Variants in SEC61G observed in about 807,000 individuals in gnomAD.
SEC61G encodes the protein protein transport protein Sec61 subunit gamma.
In SEC61G, 4 loss-of-function variants were observed where a neutral mutation model predicts 7.5. That is an observed-to-expected ratio of 0.54 (90% confidence interval 0.26 to 1.22). The LOEUF (loss-of-function observed/expected upper bound fraction) is 1.22. Ranked by LOEUF, SEC61G falls within the 50% of genes most tolerant of loss-of-function variation. SEC61G has a pLI of 0.12. For synonymous variants in SEC61G, 24 were observed against 24.4 expected, an observed-to-expected ratio of 0.98 and a Z score of 0.05; for missense variants, 53 against 84.6, an observed-to-expected ratio of 0.63 and a Z score of 1.46.
chr7:54,759,071 G>A (rs1791582007), intron 1 of SEC61G, 87 bp downstream of exon 1: 1 of 429,784 alleles, frequency 2.3e-6, no homozygotes, highest in South Asian at 1.6e-5. Context: ...GGGGAGACAC[G>A]CCGGCTCGCC....
intron 3 of SEC61G, among the ~76,000 whole-genome samples, chr7:54,754,064 C>T (rs1236352904): frequency 6.6e-6 from 1 of 152,130 alleles, no homozygotes; most frequent in Non-Finnish European, 1.5e-5. Context: ...GCCTGCCTCA[C>T]AACTCATAAT....
Position 54,755,854 on chromosome 7 carries a change from G to A in SEC61G, c.122C>T (p.Ala41Val). The change falls in exon 3 of 4, where the codon GCA becomes GTA. Residue 41 changes from alanine (A) to valine (V), a missense_variant. By Grantham distance (64) the Ala-to-Val change is moderately conservative (BLOSUM62 0). Coordinates refer to ENST00000352861, the MANE Select transcript of SEC61G (RefSeq NM_014302.4). ...KEFQKIAMATAIGFAIMGFIG... is the reference protein window; with the variant it reads ...KEFQKIAMATVIGFAIMGFIG... The stretch of plus-strand genomic sequence containing the variant: ...GAATCCCATTATAGCAAATCCTATT[G>A]CTGTTGCCATGGCAATCTTCTGGAA... 6.3e-7 allele frequency: 1 copy of A among 1,587,838 alleles called. No homozygotes were observed. The highest frequency in any genetic ancestry group is 8.6e-7 in the Non-Finnish European group (1 of 1,165,372).
intron 2 of SEC61G, 27 bp from the exon 3 acceptor site, chr7:54,755,908 T>C (rs1791504368): frequency 2.8e-6 from 4 of 1,445,060 alleles, no homozygotes; most frequent in Non-Finnish European, 3.8e-6. Context: ...GAAATTCACA[T>C]ATTTTTTGCA....
intron 3 of SEC61G, among the ~76,000 whole-genome samples, chr7:54,752,855 C>T (rs1791441418): frequency 6.6e-6 from 1 of 152,190 alleles, no homozygotes; most frequent in Non-Finnish European, 1.5e-5. Context: ...ATTCCAAAAT[C>T]TGGGTTAGTC....
At chr7:54,753,838 C>T (rs965518833) in intron 3 of SEC61G, among the ~76,000 whole-genome samples, 1 of 152,156 alleles carries the variant, frequency 6.6e-6, no homozygotes, top group African/African-American at 2.4e-5. Context: ...CCTCCCCATG[C>T]CTGTTTCCTC....
At chr7:54,755,250 G>T (rs1791484072) in intron 3 of SEC61G, 1 of 152,146 alleles carries the variant, frequency 6.6e-6, no homozygotes, top group Admixed American at 6.5e-5. Context: ...TACCCAAATT[G>T]TTTCTGGGGC....
At chr7:54,756,509 A>T (rs1391096938) in intron 2 of SEC61G, among the ~76,000 whole-genome samples, 1 of 152,186 alleles carries the variant, frequency 6.6e-6, no homozygotes, top group Non-Finnish European at 1.5e-5. Flanking sequence ...TACAAAAATT[A>T]GCCGGGCGTG....
intron 1 of SEC61G, 151 bp downstream of exon 1, chr7:54,759,007 G>C (rs1346810068): frequency 6.1e-6 from 2 of 330,284 alleles, no homozygotes; most frequent in Admixed American, 7.9e-5. Flanking sequence ...TCGGCGGCCA[G>C]ACCCCGGCCC....
In SEC61G at chr7:54,752,358, C is replaced by A; in HGVS notation, c.*53G>T. 1 of 1,376,904 alleles carries A rather than the reference C, an allele frequency of 7.3e-7. No homozygotes were observed. The highest frequency in any genetic ancestry group is 2.4e-5 in the East Asian group (1 of 41,780). 85.3% of individuals were successfully genotyped at this position (1,376,904 alleles called of 1,614,324 possible). A position where few individuals can be genotyped will look rare whatever the true frequency, so the allele number is the denominator to read the frequency against. On this transcript the variant is annotated 3_prime_UTR_variant, in exon 4 of 4. Coordinates refer to ENST00000352861, the MANE Select transcript of SEC61G (RefSeq NM_014302.4). ...TTTGTATTCTGTGAGTTTCTCACACCCTCACACTTGTTCACCAATCTCTAA... is the reference window on the plus strand; with the variant it reads ...TTTGTATTCTGTGAGTTTCTCACACACTCACACTTGTTCACCAATCTCTAA...
intron 2 of SEC61G, among the ~76,000 whole-genome samples, chr7:54,756,986 TACTATATTATATAC>T (rs1791532593): frequency 6.9e-6 from 1 of 144,908 alleles, no homozygotes; most frequent in Admixed American, 7.0e-5. Context: ...ATATACTATA[TACTATATTATATAC>T]TATATACTAT....
At chr7:54,756,005 T>C (rs1303298634) in intron 2 of SEC61G, 124 bp from the exon 3 acceptor site, 11 of 470,612 alleles carry the variant, frequency 2.3e-5, no homozygotes, top group Non-Finnish European at 3.7e-5. Flanking sequence ...GATATATAAT[T>C]TAAAAATAAA....
At position 54,757,521 on chromosome 7, in the gene SEC61G, T is replaced by C. The variant is rs1791543761; in HGVS notation, c.68A>G (p.Lys23Arg). 6.2e-7 allele frequency: 1 copy of C among 1,613,976 alleles called. No homozygotes were observed. Among genetic ancestry groups the C allele is most frequent in the South Asian group, 1.1e-5 (1 of 91,090 alleles). The change falls in exon 2 of 4, where the codon AAA (lysine) becomes AGA (arginine). Residue 23 changes from lysine (K) to arginine (R), a missense_variant. Physicochemically the swap from Lys to Arg is conservative, Grantham distance 26. Coordinates refer to ENST00000352861, the MANE Select transcript of SEC61G (RefSeq NM_014302.4). ...TTTTCTATCAGGTTTAGTGCATCTT[T>C]TAACCAGCCGAATGGAGTCCTTTAC... ...QFVKDSIRLV[K>R]RCTKPDRKEF...
At chr7:54,755,288 G>GT (rs1378534124) in intron 3 of SEC61G, 1 of 152,200 alleles carries the variant, frequency 6.6e-6, no homozygotes, top group Non-Finnish European at 1.5e-5. Context: ...CATAATCCAA[G>GT]TAAGAACTAT....
intron 2 of SEC61G, among the ~76,000 whole-genome samples, chr7:54,757,009 A>G (rs898179572): frequency 1.4e-5 from 2 of 147,970 alleles, no homozygotes; most frequent in African/African-American, 4.9e-5. Flanking sequence ...ACTATATACT[A>G]TATTATATAC....
At chr7:54,752,523 A>G (rs1791435366) in intron 3 of SEC61G, 103 bp from the exon 4 acceptor site, 2 of 603,266 alleles carry the variant, frequency 3.3e-6, no homozygotes, top group African/African-American at 1.9e-5. Context: ...CTCAAGACCA[A>G]TTATGTGAAT....
At chr7:54,756,948 T>C (rs1348400269) in intron 2 of SEC61G, among the ~76,000 whole-genome samples, 2 of 146,874 alleles carry the variant, frequency 1.4e-5, no homozygotes, top group African/African-American at 2.5e-5. Context: ...TATACTATAC[T>C]ATATATATAC....
At chr7:54,753,985 T>A (rs1791460219) in intron 3 of SEC61G, among the ~76,000 whole-genome samples, 1 of 152,194 alleles carries the variant, frequency 6.6e-6, no homozygotes, top group African/African-American at 2.4e-5. Flanking sequence ...ATTCAGTGCT[T>A]TTAACGGATA....
chr7:54,759,201 A>G lies in SEC61G; in HGVS notation c.-50T>C, dbSNP rs1245715942. 1 of 518,990 alleles carries G rather than the reference A, an allele frequency of 1.9e-6. No individual in the cohort carries two copies. The highest frequency in any genetic ancestry group is 1.4e-5 in the South Asian group (1 of 71,588). The allele number at this position is 518,990 out of a possible 1,614,324, so 32.1% of individuals were successfully genotyped here. On this transcript the variant is annotated 5_prime_UTR_variant, in exon 1 of 4. Coordinates refer to ENST00000352861, the MANE Select transcript of SEC61G (RefSeq NM_014302.4). ...AAATGCCAGGGACACGTAGCACTGG[A>G]GCTTGCTGATGGAGGCCCACCGGAA...
intron 3 of SEC61G, among the ~76,000 whole-genome samples, chr7:54,753,042 C>A (rs371277045): frequency 6.6e-6 from 1 of 152,102 alleles, no homozygotes; most frequent in African/African-American, 2.4e-5. Flanking sequence ...GTAATCTCAG[C>A]ACTCTGGGAG....
Sources: allele counts gnomAD v4.1 joint callset (sites outside exome capture counted in the v4.1 genomes callset), GRCh38; gene constraint gnomAD v4.1.1; transcripts MANE v1.5; gene names NCBI Gene and HGNC (gene_info 2026-07-23, HGNC 2026-07-21).